TUT4: variants seen among roughly 807,000 people sequenced by gnomAD.
TUT4 encodes terminal uridylyltransferase 4.
A neutral mutation model predicts 192.2 loss-of-function variants in TUT4; 36 were observed. That is an observed-to-expected ratio of 0.19 (90% CI 0.14 to 0.25). The LOEUF is 0.25. Ranked by LOEUF, TUT4 falls within the 10% of genes least tolerant of loss-of-function variation. TUT4 has a pLI of 1.00. For missense variants in TUT4, 1,493 were observed against 1,957.2 expected (o/e 0.76, Z 4.47); for synonymous variants, 618 against 666.0 (o/e 0.93, Z 1.11).
chr1:52,532,495 G>T (rs909885244), intron 1 of TUT4, among the ~76,000 whole-genome samples: 11 of 151,780 alleles, frequency 7.2e-5, no homozygotes, highest in Non-Finnish European at 2.9e-5. Flanking sequence ...AAAATTTTAT[G>T]GAGACAGGGT....
intron 5 of TUT4, 55 bp from the exon 6 acceptor site, chr1:52,495,570 TA>T: frequency 3.6e-6 from 5 of 1,373,382 alleles, no homozygotes; most frequent in Non-Finnish European, 5.1e-6. Context: ...ATGAGAGATG[TA>T]AAAAAACAGC....
chr1:52,435,557 CA>C (rs761342950), intron 26 of TUT4, 92 bp from the exon 27 acceptor site: 131 of 946,392 alleles, frequency 1.4e-4, no homozygotes, highest in Non-Finnish European at 1.9e-4. Context: ...AAAAGAATCT[CA>C]AATATCTCTG....
At chr1:52,538,006 G>C (rs1049914907) in intron 1 of TUT4, among the ~76,000 whole-genome samples, 1 of 152,224 alleles carries the variant, frequency 6.6e-6, no homozygotes, top group East Asian at 1.9e-4. Context: ...GAGACCAAAG[G>C]GGGCAGATCA....
intron 1 of TUT4, among the ~76,000 whole-genome samples, chr1:52,547,115 C>T (rs1209674961): frequency 4.7e-5 from 7 of 149,848 alleles, no homozygotes; most frequent in South Asian, 2.1e-4. Flanking sequence ...GCCATGTTCA[C>T]GCCACTGCAC....
chr1:52,498,335 C>T (rs1014526712), intron 4 of TUT4, among the ~76,000 whole-genome samples: 2 of 151,352 alleles, frequency 1.3e-5, no homozygotes, highest in East Asian at 2.0e-4. Context: ...TCCGCCCCCC[C>T]GGGGTTCACG....
chr1:52,508,601 T>C (rs1439083905), intron 4 of TUT4, among the ~76,000 whole-genome samples: 3 of 152,068 alleles, frequency 2.0e-5, no homozygotes, highest in Non-Finnish European at 4.4e-5. Context: ...GAAGAGAAGG[T>C]AGACAGCCAG....
At chr1:52,481,774 T>C (rs751208549) in intron 10 of TUT4, 30 bp downstream of exon 10, 1 of 1,560,602 alleles carries the variant, frequency 6.4e-7, no homozygotes, top group Non-Finnish European at 8.6e-7. Flanking sequence ...TATATATATA[T>C]GCATATATAT....
intron 11 of TUT4, among the ~76,000 whole-genome samples, chr1:52,478,365 C>T (rs1011106757): frequency 1.8e-4 from 27 of 152,180 alleles, no homozygotes; most frequent in South Asian, 4.1e-4. Flanking sequence ...AAAACTAATT[C>T]CTTCATTCAG....
rs1314328552 is a variant in TUT4, at chr1:52,490,820, A to G, written c.1319-19T>C. The G allele has an allele frequency of 1.3e-6, 2 of 1,573,064 alleles. No individual in the cohort carries two copies. The highest frequency in any genetic ancestry group is 1.2e-5 in the South Asian group (1 of 85,806). ...TATAATACTAATAAGGAAAAAAAAA[A>G]GTAAGCTAATGTCAACATCTCTAAA... is the stretch of plus-strand genomic sequence containing the variant. On this transcript the variant is annotated intron_variant, in intron 7 of 29. Coordinates refer to ENST00000257177, the MANE Select transcript of TUT4 (RefSeq NM_001009881.3).
In TUT4 at chr1:52,436,871, G is replaced by A. The variant is rs967876832; in HGVS notation, c.4046C>T (p.Thr1349Ile). Residue 1349 changes from threonine (T) to isoleucine (I), a missense_variant, in exon 26 of 30, where the codon ACT becomes ATT. Thr to Ile is a moderately conservative substitution (Grantham distance 89, BLOSUM62 -1). Transcript: ENST00000257177. ...GTCTCTCGGGTCTCTAAAGTCTCGA[G>A]TATCGTGGAGGTCTCGGGGGTCAAG... is the stretch of plus-strand genomic sequence containing the variant. ...DVLDPRDLHD[T>I]RDFRDPRDLR... 6.2e-7 allele frequency: 1 copy of A among 1,613,690 alleles called. No homozygotes were observed. The highest frequency in any genetic ancestry group is 1.7e-5 in the Admixed American group (1 of 59,950).
chr1:52,505,541 C>T (rs12094450), intron 4 of TUT4, among the ~76,000 whole-genome samples: 4,772 of 150,714 alleles, frequency 0.032, 184 homozygotes, highest in African/African-American at 0.092. Flanking sequence ...CCTGCCTCAG[C>T]CTCTCGAGTA....
In TUT4 at chr1:52,431,055, C is replaced by T. The variant is rs535861099; in HGVS notation, c.4669G>A (p.Ala1557Thr). Residue 1557 changes from alanine to threonine, a missense_variant, in exon 28 of 30, where the codon GCT becomes ACT. By Grantham distance (58) the Ala-to-Thr change is moderately conservative (BLOSUM62 0). Transcript: ENST00000257177. ...CCACTGTTTACCAGGGAATTTGGAG[C>T]CACAGTACGGGGCCAGTGTCCATCG... ...SHDGHWPRTV[A>T]PNSLVNSGAV... 1 of 1,603,342 alleles carries T rather than the reference C, an allele frequency of 6.2e-7. No homozygotes were observed. Among genetic ancestry groups the T allele is most frequent in the South Asian group, 1.1e-5 (1 of 90,580 alleles).
chr1:52,462,680 G>C (rs894574807), intron 16 of TUT4: 4 of 973,222 alleles, frequency 4.1e-6, no homozygotes, highest in Non-Finnish European at 4.9e-6. Context: ...TTAAATCTGT[G>C]AGTTATTTAT....
intron 20 of TUT4, among the ~76,000 whole-genome samples, chr1:52,449,549 C>A (rs545009700): frequency 1.3e-5 from 2 of 152,308 alleles, no homozygotes; most frequent in African/African-American, 2.4e-5. Context: ...ATCTACCCCC[C>A]TCGGCCGCCC....
intron 3 of TUT4, chr1:52,515,499 T>C (rs1678488134): frequency 3.4e-6 from 1 of 293,670 alleles, no homozygotes; most frequent in Non-Finnish European, 6.3e-6. Flanking sequence ...CTGTGACAAC[T>C]ACTCAACTCA....
chr1:52,443,555 C>A (rs1237626489), intron 24 of TUT4, among the ~76,000 whole-genome samples: 1 of 151,998 alleles, frequency 6.6e-6, no homozygotes, highest in Non-Finnish European at 1.5e-5. Flanking sequence ...CGCCATTGCA[C>A]TCCAGCCTGG....
At chr1:52,492,396 T>C (rs887508031) in intron 7 of TUT4, among the ~76,000 whole-genome samples, 3 of 152,206 alleles carry the variant, frequency 2.0e-5, no homozygotes, top group Non-Finnish European at 4.4e-5. Flanking sequence ...TTGATTCATA[T>C]AATTTAGGGT....
chr1:52,525,431 T>C, intron 2 of TUT4, 132 bp downstream of exon 2: 1 of 1,159,640 alleles, frequency 8.6e-7, no homozygotes, highest in South Asian at 1.7e-5. Context: ...ATTATTAATG[T>C]GGATGTTTTC....
chr1:52,544,368 G>A (rs1300907457), intron 1 of TUT4, among the ~76,000 whole-genome samples: 1 of 151,520 alleles, frequency 6.6e-6, no homozygotes, highest in Non-Finnish European at 1.5e-5. Flanking sequence ...GAATCAAACA[G>A]ACCAGAAATA....
Sources: gnomAD v4.1 joint callset for allele counts (sites outside exome capture counted in the v4.1 genomes callset) on GRCh38, gnomAD v4.1.1 for gene constraint, MANE v1.5 for transcripts, NCBI Gene and HGNC (gene_info 2026-07-23, HGNC 2026-07-21) for gene names.